Variants in UGT1A5 observed in about 807,000 individuals in gnomAD.
The protein encoded by UGT1A5 is UDP-glucuronosyltransferase 1A5.
Under a neutral mutation model 40.3 loss-of-function variants are expected in UGT1A5, and 29 were observed. The ratio of observed to expected loss-of-function variants is 0.72; its 90% CI spans 0.54 to 0.98. The LOEUF (loss-of-function observed/expected upper bound fraction) is 0.98, where lower values mean the gene tolerates loss of function less well. Among genes scored for constraint, UGT1A5 ranks in the 50% least tolerant of loss-of-function variants. The pLI is 0.00. For missense variants in UGT1A5, 678 were observed against 677.9 expected, an observed-to-expected ratio of 1.00 and a Z score of 0.00; for synonymous variants, 257 against 262.5, an observed-to-expected ratio of 0.98 and a Z score of 0.20.
At chr2:233,770,026 C>T (rs371960443) in intron 4 of UGT1A5, 2 of 158,948 alleles carry the variant, frequency 1.3e-5, no homozygotes, top group South Asian at 1.9e-4. Flanking sequence ...TTTCCCTGCA[C>T]TGTTGAAGCT....
chr2:233,755,044 C>T (rs1695716601), intron 1 of UGT1A5: 3 of 1,324,814 alleles, frequency 2.3e-6, no homozygotes, highest in East Asian at 4.6e-5. Flanking sequence ...CCTGCGCAGC[C>T]GCCCTCCGCC....
At position 233,714,001 on chromosome 2, in the gene UGT1A5, G is replaced by A. The variant is rs1295021780; in HGVS notation, c.867+143G>A. 4.5e-6 allele frequency: 7 copies of A among 1,551,344 alleles called. No homozygotes were observed. The African/African-American group carries it at 5.5e-5, about 12-fold the overall frequency. On this transcript the variant is annotated intron_variant, in intron 1 of 4. Coordinates refer to ENST00000373414, the MANE Select transcript of UGT1A5 (RefSeq NM_019078.2). ...TCATTGTTGTAATAGTCTTCAGTGA[G>A]ATAAACTTTTAAAGGGTCAATGGTA...
rs2076750903 is a variant in UGT1A5, at chr2:233,719,310, T to G, written c.867+5452T>G. On this transcript the variant is annotated intron_variant, in intron 1 of 4. Transcript: ENST00000373414. The stretch of plus-strand genomic sequence containing the variant: ...CCTCTGTGGGGCGGTGCTGGCTAAG[T>G]ACCTGTCGATTCCTGCTGTGTTTTT... 5 of 1,613,982 alleles carry G rather than the reference T, an allele frequency of 3.1e-6. No homozygotes were observed. In the East Asian group the frequency reaches 1.1e-4, roughly 36 times the overall value.
intron 1 of UGT1A5, among the ~76,000 whole-genome samples, chr2:233,720,213 A>G (rs1171832820): frequency 6.6e-6 from 1 of 152,188 alleles, no homozygotes; most frequent in East Asian, 1.9e-4. Flanking sequence ...GGTGGGATGG[A>G]TGCATGTGAT....
In UGT1A5 at chr2:233,769,168, C is replaced by T. The variant is rs1699803234; in HGVS notation, c.1307+729C>T. Among the ~76,000 whole-genome samples the T allele has an allele frequency of 6.6e-6, 1 of 152,082 alleles. No individual in the cohort carries two copies. Among genetic ancestry groups the T allele is most frequent in the Non-Finnish European group, 1.5e-5 (1 of 68,026 alleles). The stretch of plus-strand genomic sequence containing the variant: ...ACTGGAACCTGTGAGAAATTTTGTC[C>T]ATGGAGTTTATGAATGAAGGAGCTA... On this transcript the variant is annotated intron_variant, in intron 4 of 4. Coordinates refer to ENST00000373414, the MANE Select transcript of UGT1A5 (RefSeq NM_019078.2). The surrounding 1 kb of genome is among the most constrained non-coding windows in gnomAD (Gnocchi z 4.4).
chr2:233,771,766 C>T (rs1025155606), intron 4 of UGT1A5, among the ~76,000 whole-genome samples: 1 of 151,968 alleles, frequency 6.6e-6, no homozygotes, highest in African/African-American at 2.4e-5. Context: ...CTTCCTCCGT[C>T]CCTCTCTCCT....
rs539153325 is a variant in UGT1A5, at chr2:233,714,494, T to G, written c.867+636T>G. On this transcript the variant is annotated intron_variant, in intron 1 of 4. Coordinates refer to ENST00000373414, the MANE Select transcript of UGT1A5 (RefSeq NM_019078.2). ...AGGAGAATGTTTCTTGTGAAGACAC[T>G]ACTTAAAAAAAATTCTTACTAGGTT... Among the ~76,000 whole-genome samples, 98 of 152,310 alleles carry G rather than the reference T, an allele frequency of 6.4e-4. 1 individual carries two copies. The South Asian group carries it at 0.019, about 30-fold the overall frequency.
At chr2:233,735,136 T>C (rs2078611903) in intron 1 of UGT1A5, among the ~76,000 whole-genome samples, 1 of 152,178 alleles carries the variant, frequency 6.6e-6, no homozygotes, top group African/African-American at 2.4e-5. Context: ...TCATTATTAT[T>C]GTGTGGGAGT....
intron 1 of UGT1A5, among the ~76,000 whole-genome samples, chr2:233,715,522 A>G (rs1320173957): frequency 1.3e-5 from 2 of 152,172 alleles, no homozygotes; most frequent in Admixed American, 6.5e-5. Context: ...CTGTAATTTC[A>G]GCCCTTTGGG....
intron 1 of UGT1A5, among the ~76,000 whole-genome samples, chr2:233,739,213 A>G (rs1053433139): frequency 6.6e-6 from 1 of 152,254 alleles, no homozygotes; most frequent in Non-Finnish European, 1.5e-5. Context: ...CTGCATGGAT[A>G]GAGTCCTTAT....
chr2:233,743,498 G>A (rs1452384888), intron 1 of UGT1A5: 3 of 1,367,176 alleles, frequency 2.2e-6, no homozygotes, highest in Middle Eastern at 2.1e-4. Context: ...GCAGAGAAAA[G>A]GGGTGCAGAC....
At chr2:233,756,421 TG>T (rs1436391565) in intron 1 of UGT1A5, 1 of 152,148 alleles carries the variant, frequency 6.6e-6, no homozygotes, top group African/African-American at 2.4e-5. Flanking sequence ...TTATTTGTAC[TG>T]TTTTTTTTTC....
intron 1 of UGT1A5, among the ~76,000 whole-genome samples, chr2:233,734,104 A>T (rs1173344990): frequency 6.6e-6 from 1 of 151,308 alleles, no homozygotes; most frequent in African/African-American, 2.4e-5. Context: ...CTTAAAGTAT[A>T]ATAATAATAA....
chr2:233,747,271 C>T (rs1693606157), intron 1 of UGT1A5: 4 of 1,598,912 alleles, frequency 2.5e-6, no homozygotes, highest in Non-Finnish European at 8.5e-7. Flanking sequence ...GCTACTCCTT[C>T]TCAGTGCCCA....
In UGT1A5 at chr2:233,713,401, T is replaced by C; in HGVS notation, c.410T>C (p.Leu137Pro). Residue 137 changes from leucine (L) to proline (P), a missense_variant, in exon 1 of 5, where the codon CTG becomes CCG. Transcript: ENST00000373414. Reference protein sequence around the residue: ...SCVELLHNEALIRHLHATSFD... With the variant: ...SCVELLHNEAPIRHLHATSFD... ...GTGGAGCTACTGCATAATGAGGCCC[T>C]GATCAGGCACCTGCATGCTACTTCC... 1 of 1,614,206 alleles carries C rather than the reference T, an allele frequency of 6.2e-7. No homozygotes were observed. Among genetic ancestry groups the C allele is most frequent in the Non-Finnish European group, 8.5e-7 (1 of 1,180,038 alleles).
intron 1 of UGT1A5, chr2:233,719,665 C>A (rs761217423): frequency 6.2e-7 from 1 of 1,614,054 alleles, no homozygotes; most frequent in East Asian, 2.2e-5. Flanking sequence ...ATCAACTGTG[C>A]CAACGGGAAG....
At chr2:233,739,437 C>G (rs1691099692) in intron 1 of UGT1A5, among the ~76,000 whole-genome samples, 1 of 152,212 alleles carries the variant, frequency 6.6e-6, no homozygotes, top group Non-Finnish European at 1.5e-5. Flanking sequence ...GGGCTTTACC[C>G]TGCAAAGCCA....
intron 1 of UGT1A5, among the ~76,000 whole-genome samples, chr2:233,716,848 A>G (rs28898605): frequency 0.1 from 15,748 of 152,134 alleles, 927 homozygotes; most frequent in East Asian, 0.2. Context: ...TTCAGCTACC[A>G]CATATGCTGA....
intron 1 of UGT1A5, among the ~76,000 whole-genome samples, chr2:233,749,727 C>A (rs1694261714): frequency 6.6e-6 from 1 of 151,854 alleles, no homozygotes; most frequent in Admixed American, 6.5e-5. Context: ...CAGTTTCGCA[C>A]CTGCTGGTCT....
Sources: allele counts gnomAD v4.1 joint callset (sites outside exome capture counted in the v4.1 genomes callset), GRCh38; gene constraint gnomAD v4.1.1; non-coding constraint Gnocchi (gnomAD v3.1); transcripts MANE v1.5; gene names NCBI Gene and HGNC (gene_info 2026-07-23, HGNC 2026-07-21).